PAK6: variants seen among roughly 807,000 people sequenced by gnomAD.
PAK6 encodes p21 (RAC1) activated kinase 6.
In PAK6, 33 loss-of-function variants were observed where a neutral mutation model predicts 60.8. The observed-to-expected ratio is 0.54, with a 90% confidence interval of 0.41 to 0.73. PAK6 has a LOEUF of 0.73. PAK6 is among the 30% of genes least tolerant of loss of function. PAK6 has a pLI of 0.00. For missense variants in PAK6, 845 were observed against 904.1 expected (o/e 0.93, Z 0.84); for synonymous variants, 404 against 378.5 (o/e 1.07, Z -0.78).
intron 2 of PAK6, among the ~76,000 whole-genome samples, chr15:40,250,225 A>T (rs1489097420): frequency 1.3e-5 from 2 of 152,204 alleles, no homozygotes; most frequent in East Asian, 3.8e-4. Flanking sequence ...CACAGGAATT[A>T]ATCACTCAGG....
chr15:40,264,529 G>T, intron 3 of PAK6: 1 of 595,614 alleles, frequency 1.7e-6, no homozygotes, highest in Admixed American at 2.4e-5. Flanking sequence ...CTTGGCACAG[G>T]CAAGAAGACA....
Position 40,266,209 on chromosome 15 carries a change from G to A in PAK6, c.572G>A (p.Arg191His), listed in dbSNP as rs61732685. The change falls in exon 5 of 11, where the codon CGC becomes CAC. Residue 191 changes from arginine (R) to histidine (H), a missense_variant. Arg to His is a conservative substitution (Grantham distance 29). Transcript: ENST00000560346. ...GCCGAGTTTCAGGGTGCCTCGCAGC[G>A]CTGTCTGCAGCTGGGTGCCTGCCTG... 2,802 of 1,609,558 alleles carry A rather than the reference G, an allele frequency of 1.7e-3. 79 individuals carry two copies. The Admixed American group carries it at 0.04, about 23-fold the overall frequency.
At chr15:40,262,026 G>A (rs2038997800) in intron 3 of PAK6, among the ~76,000 whole-genome samples, 2 of 145,258 alleles carry the variant, frequency 1.4e-5, no homozygotes, top group African/African-American at 5.0e-5. Context: ...TGGGGCAGGG[G>A]AGTTGGGGAG....
Position 40,245,359 on chromosome 15 carries a change from G to C in PAK6, c.-118+4678G>C, listed in dbSNP as rs565062484. On this transcript the variant is annotated intron_variant, in intron 2 of 10. Transcript: ENST00000560346. Reference sequence around the variant, plus strand: ...GCCTGCCTGCCTGCCTGGTGACCAGGACTCCTAAAGGCTGCAGCAGCAGCA... The same window carrying C: ...GCCTGCCTGCCTGCCTGGTGACCAGCACTCCTAAAGGCTGCAGCAGCAGCA... 2.0e-5 allele frequency: 3 copies of C among 152,450 alleles called. No individual in the cohort carries two copies. The East Asian group carries it at 5.8e-4, about 29-fold the overall frequency. The allele number at this position is 152,450 out of a possible 1,614,324, so 9.4% of individuals were successfully genotyped here.
chr15:40,265,402 C>A (rs2039095309), intron 4 of PAK6, among the ~76,000 whole-genome samples: 1 of 152,194 alleles, frequency 6.6e-6, no homozygotes, highest in South Asian at 2.1e-4. Flanking sequence ...AAGGTGGGGT[C>A]AGGGGCCCTA....
intron 7 of PAK6, 23 bp downstream of exon 7, chr15:40,273,022 C>T: frequency 6.2e-7 from 1 of 1,611,542 alleles, no homozygotes; most frequent in Non-Finnish European, 8.5e-7. Context: ...GAGGGCTGGA[C>T]CCTGAGTGCA....
chr15:40,276,935 T>A (rs2039473116), exon 11 of PAK6: 1 of 152,216 alleles, frequency 6.6e-6, no homozygotes, highest in Non-Finnish European at 1.5e-5. Flanking sequence ...CTCCTGTGTC[T>A]ACCTGGCCAG....
chr15:40,252,732 C>G (rs375708542), intron 2 of PAK6: 2 of 1,302,996 alleles, frequency 1.5e-6, no homozygotes, highest in Non-Finnish European at 2.0e-6. Flanking sequence ...GGCGAGAGGA[C>G]GGGCCTCCCA....
intron 5 of PAK6, among the ~76,000 whole-genome samples, chr15:40,271,374 C>T (rs1236787882): frequency 1.3e-5 from 2 of 152,172 alleles, no homozygotes; most frequent in Non-Finnish European, 2.9e-5. Flanking sequence ...TCCCTCCCTG[C>T]CAGAGCCAAT....
At chr15:40,266,042 T>G in exon 5 of PAK6, 2 of 1,607,372 alleles carry the variant, frequency 1.2e-6, no homozygotes, top group Non-Finnish European at 1.7e-6. Flanking sequence ...GCCCCCAGTC[T>G]GAGCGCACTG....
chr15:40,265,964 G>T, exon 5 of PAK6: 1 of 1,605,180 alleles, frequency 6.2e-7, no homozygotes. Flanking sequence ...CCAGCCGGCG[G>T]CGGGCACAGT....
chr15:40,259,301 T>A (rs545871865), intron 3 of PAK6: 34 of 152,376 alleles, frequency 2.2e-4, no homozygotes, highest in African/African-American at 7.9e-4. Context: ...GCCCTGGAAA[T>A]GGCAAGCGGA....
At chr15:40,245,318 C>G (rs2140943140) in intron 2 of PAK6, 1 of 152,514 alleles carries the variant, frequency 6.6e-6, no homozygotes, top group South Asian at 2.1e-4. Context: ...AGTCACCTTG[C>G]CCAAGACCTC....
exon 6 of PAK6, chr15:40,272,316 C>T (rs750197876): frequency 6.2e-7 from 1 of 1,614,022 alleles, no homozygotes; most frequent in South Asian, 1.1e-5. Flanking sequence ...CGGTGGGGAC[C>T]TTCAGCCCTC....
intron 5 of PAK6, among the ~76,000 whole-genome samples, chr15:40,267,627 C>T (rs897183013): frequency 6.6e-6 from 1 of 152,176 alleles, no homozygotes; most frequent in Non-Finnish European, 1.5e-5. Flanking sequence ...CCACTGCACT[C>T]CAGCCTGGGG....
At chr15:40,248,391 G>A (rs1186059380) in intron 2 of PAK6, among the ~76,000 whole-genome samples, 1 of 152,178 alleles carries the variant, frequency 6.6e-6, no homozygotes, top group Admixed American at 6.5e-5. Flanking sequence ...TCTCTCCCAG[G>A]CTTCGGGCTC....
At chr15:40,252,772 T>A (rs1430285919) in intron 2 of PAK6, 1 of 1,301,094 alleles carries the variant, frequency 7.7e-7, no homozygotes, top group Non-Finnish European at 1.0e-6. Flanking sequence ...TGGGTGCCCA[T>A]GCCCCGAAGT....
chr15:40,254,028 A>G (rs1348301072), intron 3 of PAK6, among the ~76,000 whole-genome samples: 1 of 152,144 alleles, frequency 6.6e-6, no homozygotes, highest in Non-Finnish European at 1.5e-5. Flanking sequence ...ATGCAAGGTG[A>G]GGTTCAGCCT....
In PAK6 at chr15:40,252,045, A is replaced by C. The variant is rs558425484; in HGVS notation, c.-117-1133A>C. On this transcript the variant is annotated intron_variant, in intron 2 of 10. Coordinates refer to ENST00000560346, the Ensembl canonical transcript of PAK6. ...AGGACTGCGCAAGGGCTGACAAGGG[A>C]ACTGGAATCCCTTAAATCCCGCTTT... 1.2e-5 allele frequency: 3 copies of C among 244,678 alleles called. No homozygotes were observed. The South Asian group carries it at 1.3e-4, about 11-fold the overall frequency. 15.2% of individuals were successfully genotyped at this position (244,678 alleles called of 1,614,324 possible). A position where few individuals can be genotyped will look rare whatever the true frequency, so the allele number is the denominator to read the frequency against.
Sources: gnomAD v4.1 joint callset for allele counts (sites outside exome capture counted in the v4.1 genomes callset) on GRCh38, gnomAD v4.1.1 for gene constraint, MANE v1.5 for transcripts, NCBI Gene and HGNC (gene_info 2026-07-23, HGNC 2026-07-21) for gene names.